Variants in TMOD2 observed in about 807,000 individuals in gnomAD.
TMOD2 encodes tropomodulin-2.
A neutral mutation model predicts 39.9 loss-of-function variants in TMOD2; 22 were observed. The observed-to-expected ratio is 0.55, with a 90% confidence interval of 0.39 to 0.79. TMOD2 has a LOEUF of 0.79. Ranked by LOEUF, TMOD2 falls within the 30% of genes least tolerant of loss-of-function variation. The pLI is 0.00. For synonymous variants in TMOD2, 123 were observed against 146.1 expected, an observed-to-expected ratio of 0.84 and a Z score of 1.14; for missense variants, 386 against 413.3, an observed-to-expected ratio of 0.93 and a Z score of 0.57.
rs774238365 is a variant in TMOD2 at position 51,773,803 on chromosome 15, TG to T, written c.376del (p.Ala126ProfsTer47). ...CAGAACTGGAAGAAGCTTTGGCCAG[TG>T]CCTCTGACACCGAACTCTATGATCT... ...DPELEEALAS[A>X]SDTELYDLAA... On this transcript the variant is annotated frameshift_variant, in exon 4 of 10. Transcript: ENST00000249700. LOFTEE classifies it high-confidence loss of function. 4 of 1,612,840 alleles carry T rather than the reference TG, an allele frequency of 2.5e-6. No homozygotes were observed. The highest frequency in any genetic ancestry group is 3.4e-6 in the Non-Finnish European group (4 of 1,179,654).
chr15:51,807,903 C>T (rs985894961), intron 9 of TMOD2, among the ~76,000 whole-genome samples: 3 of 152,308 alleles, frequency 2.0e-5, no homozygotes, highest in African/African-American at 4.8e-5. Flanking sequence ...GTTAAAAGAA[C>T]ATTAATCTCT....
At chr15:51,754,876 T>C (rs866582023) in intron 1 of TMOD2, among the ~76,000 whole-genome samples, 11 of 152,298 alleles carry the variant, frequency 7.2e-5, no homozygotes, top group African/African-American at 2.6e-4. Context: ...ATGAAAAATA[T>C]CTTGAGGGGC....
Position 51,777,006 on chromosome 15 carries a change from G to A in TMOD2, c.481G>A (p.Gly161Arg), listed in dbSNP as rs761246926. The A allele has an allele frequency of 6.2e-7, 1 of 1,613,696 alleles. No homozygotes were observed. Among genetic ancestry groups the A allele is most frequent in the South Asian group, 1.1e-5 (1 of 91,046 alleles). The change falls in exon 5 of 10, where the codon GGA (glycine) becomes AGA (arginine). Residue 161 changes from glycine to arginine, a missense_variant. Transcript: ENST00000249700. ...AACAGCCAACAATAAAGGTGGCAAA[G>A]GACCTGTCAGAAGTAAGTTGATGTG... Reference protein sequence around the residue: ...EETANNKGGKGPVRNVVKGEK... With the variant: ...EETANNKGGKRPVRNVVKGEK...
chr15:51,788,575 A>G (rs2055986998), intron 7 of TMOD2, among the ~76,000 whole-genome samples: 1 of 152,224 alleles, frequency 6.6e-6, no homozygotes, highest in Non-Finnish European at 1.5e-5. Flanking sequence ...TAATTGTCAG[A>G]TTCACCAAGG....
chr15:51,768,240 G>C, intron 2 of TMOD2, 22 bp from the exon 3 acceptor site: 1 of 1,613,832 alleles, frequency 6.2e-7, no homozygotes, highest in East Asian at 2.2e-5. Context: ...CTTCCTTCCT[G>C]CTCACACCTC....
In TMOD2 at chr15:51,810,242, A is replaced by G. The variant is rs2141648568; in HGVS notation, c.*1788A>G. On this transcript the variant is annotated 3_prime_UTR_variant, in exon 10 of 10. Coordinates refer to ENST00000249700, the MANE Select transcript of TMOD2 (RefSeq NM_014548.4). ...CTGTTATATTTTCAAGAATTTTGCA[A>G]ACTGGTTGTTCAATACAGCCATTAT... The G allele has an allele frequency of 6.6e-6, 1 of 152,332 alleles. No individual in the cohort carries two copies. Among genetic ancestry groups the G allele is most frequent in the South Asian group, 2.1e-4 (1 of 4,830 alleles). The allele number at this position is 152,332 out of a possible 1,614,324, so 9.4% of individuals were successfully genotyped here.
In TMOD2 at chr15:51,810,656, C is replaced by T. The variant is rs2056150393; in HGVS notation, c.*2202C>T. 1.3e-5 allele frequency: 2 copies of T among 151,766 alleles called. No individual in the cohort carries two copies. Among genetic ancestry groups the T allele is most frequent in the Non-Finnish European group, 1.5e-5 (1 of 67,962 alleles). The allele number at this position is 151,766 out of a possible 1,614,324, so 9.4% of individuals were successfully genotyped here. On this transcript the variant is annotated 3_prime_UTR_variant, in exon 10 of 10. Coordinates refer to ENST00000249700, the MANE Select transcript of TMOD2 (RefSeq NM_014548.4). ...CTTATCATGTTGCCGAAGGGAAGAACATTTCTCTTAGATGTCTTTTCTCCT... is the reference window on the plus strand; with the variant it reads ...CTTATCATGTTGCCGAAGGGAAGAATATTTCTCTTAGATGTCTTTTCTCCT...
chr15:51,775,335 T>C (rs116304308), intron 4 of TMOD2, among the ~76,000 whole-genome samples: 1,839 of 152,232 alleles, frequency 0.012, 42 homozygotes, highest in African/African-American at 0.043. Context: ...TCAGTATATA[T>C]AGAAGCAGTC....
chr15:51,802,350 A>AG (rs923672617), intron 8 of TMOD2, among the ~76,000 whole-genome samples: 2 of 152,240 alleles, frequency 1.3e-5, no homozygotes, highest in Admixed American at 1.3e-4. Flanking sequence ...ATGTCATCCA[A>AG]GGTTCATTAC....
intron 7 of TMOD2, 92 bp downstream of exon 7, chr15:51,782,920 C>A (rs1304526174): frequency 3.2e-6 from 4 of 1,242,910 alleles, no homozygotes; most frequent in Non-Finnish European, 4.6e-6. Flanking sequence ...TTTTTTAGAT[C>A]TGGAAAACTT....
intron 3 of TMOD2, among the ~76,000 whole-genome samples, chr15:51,771,411 C>T (rs1012913969): frequency 6.6e-6 from 1 of 152,210 alleles, no homozygotes; most frequent in Non-Finnish European, 1.5e-5. Flanking sequence ...TTGCTTAGAA[C>T]TTGTTATTTG....
intron 6 of TMOD2, among the ~76,000 whole-genome samples, chr15:51,781,704 C>T (rs1002569029): frequency 1.3e-5 from 2 of 152,150 alleles, no homozygotes; most frequent in Non-Finnish European, 2.9e-5. Context: ...AGCAGGAAGC[C>T]ACAATACCTG....
At chr15:51,754,822 G>T (rs1024704917) in intron 1 of TMOD2, among the ~76,000 whole-genome samples, 1 of 152,162 alleles carries the variant, frequency 6.6e-6, no homozygotes, top group Non-Finnish European at 1.5e-5. Context: ...ATGTCCATAG[G>T]ATGTGATATG....
intron 7 of TMOD2, among the ~76,000 whole-genome samples, chr15:51,794,651 G>A (rs1163828271): frequency 3.9e-5 from 6 of 152,182 alleles, no homozygotes; most frequent in Non-Finnish European, 7.3e-5. Flanking sequence ...CAGAGATTCC[G>A]ATTTAATTCA....
intron 7 of TMOD2, among the ~76,000 whole-genome samples, chr15:51,785,919 A>G (rs2055966603): frequency 6.6e-6 from 1 of 152,194 alleles, no homozygotes; most frequent in Non-Finnish European, 1.5e-5. Context: ...AAAAATATGT[A>G]CAACTATTAT....
chr15:51,770,305 G>A (rs1335879225), intron 3 of TMOD2, among the ~76,000 whole-genome samples: 10 of 152,010 alleles, frequency 6.6e-5, no homozygotes, highest in South Asian at 2.1e-4. Flanking sequence ...TCAGGGCCTC[G>A]GGCTTTCTCT....
At chr15:51,771,522 A>G (rs990767182) in intron 3 of TMOD2, among the ~76,000 whole-genome samples, 1 of 152,164 alleles carries the variant, frequency 6.6e-6, no homozygotes, top group Non-Finnish European at 1.5e-5. Context: ...AGAAAATCCT[A>G]TATTAGGTTG....
At chr15:51,803,393 T>C (rs2056103082) in intron 8 of TMOD2, among the ~76,000 whole-genome samples, 1 of 151,952 alleles carries the variant, frequency 6.6e-6, no homozygotes, top group African/African-American at 2.4e-5. Flanking sequence ...GTTCACCAGG[T>C]TGGTCTCGAA....
intron 6 of TMOD2, among the ~76,000 whole-genome samples, chr15:51,782,235 C>T (rs1324500340): frequency 6.6e-6 from 1 of 151,962 alleles, no homozygotes; most frequent in African/African-American, 2.4e-5. Context: ...CATTGAATTG[C>T]AAGAAAGAAA....
Sources: allele counts gnomAD v4.1 joint callset (sites outside exome capture counted in the v4.1 genomes callset), GRCh38; gene constraint gnomAD v4.1.1; transcripts MANE v1.5; gene names NCBI Gene and HGNC (gene_info 2026-07-23, HGNC 2026-07-21).